Variants in EGLN3 observed in about 807,000 individuals in gnomAD.
EGLN3 encodes the protein prolyl hydroxylase EGLN3.
Under a neutral mutation model 26.0 loss-of-function variants are expected in EGLN3, and 15 were observed. The ratio of observed to expected loss-of-function variants is 0.58; its 90% CI spans 0.39 to 0.89. The LOEUF (loss-of-function observed/expected upper bound fraction) is 0.89. Ranked by LOEUF, EGLN3 falls within the 40% of genes least tolerant of loss-of-function variation. The pLI, the probability that EGLN3 is intolerant of heterozygous loss-of-function variation, is 0.00. For synonymous variants in EGLN3, 147 were observed against 127.2 expected, an observed-to-expected ratio of 1.16 and a Z score of -1.05; for missense variants, 238 against 311.6, an observed-to-expected ratio of 0.76 and a Z score of 1.78.
At chr14:33,932,091 G>A (rs929119334) in intron 1 of EGLN3, among the ~76,000 whole-genome samples, 3 of 152,112 alleles carry the variant, frequency 2.0e-5, no homozygotes, top group African/African-American at 7.2e-5. Flanking sequence ...ACAGGATACC[G>A]CCATGTTTGA....
chr14:33,934,843 C>A (rs1023585439), intron 1 of EGLN3, among the ~76,000 whole-genome samples: 1 of 152,182 alleles, frequency 6.6e-6, no homozygotes, highest in Non-Finnish European at 1.5e-5. Context: ...TTTAACTCAC[C>A]AAATTAAAGT....
chr14:33,945,732 G>A (rs898997353), intron 1 of EGLN3, among the ~76,000 whole-genome samples: 1 of 152,218 alleles, frequency 6.6e-6, no homozygotes, highest in Non-Finnish European at 1.5e-5. Flanking sequence ...AACCCTGACT[G>A]CATTTCTTGC....
rs2064366951 is a variant in EGLN3 at position 33,927,061 on chromosome 14, A to G, written c.615-28T>C. On this transcript the variant is annotated intron_variant, in intron 3 of 4. Coordinates refer to ENST00000250457, the MANE Select transcript of EGLN3 (RefSeq NM_022073.4). ...GTGAAAGATAAGCAGATATAAGGAA[A>G]GAGATTTAATGGTACTACTAGAAAC... is the stretch of plus-strand genomic sequence containing the variant. 1.9e-6 allele frequency: 3 copies of G among 1,540,292 alleles called. No individual in the cohort carries two copies. The East Asian group carries it at 7.1e-5, about 36-fold the overall frequency.
Position 33,926,979 on chromosome 14 carries a change from C to A in EGLN3, c.669G>T (p.Lys223Asn), listed in dbSNP as rs918450758. The change falls in exon 4 of 5, where the codon AAG becomes AAT. Residue 223 changes from lysine to asparagine, a missense_variant. Lys to Asn is a moderately conservative substitution (Grantham distance 94). Coordinates refer to ENST00000250457, the MANE Select transcript of EGLN3 (RefSeq NM_022073.4). ...FDAEERAEAKKKFRNLTRKTE... is the reference protein window; with the variant it reads ...FDAEERAEAKNKFRNLTRKTE... The stretch of plus-strand genomic sequence containing the variant: ...ACATACTAGTTAAATTCCTGAATTT[C>A]TTTTTGGCTTCTGCCCTTTCTTCAG... The A allele has an allele frequency of 7.5e-6, 12 of 1,606,970 alleles. No individual in the cohort carries two copies. The highest frequency in any genetic ancestry group is 1.0e-5 in the Non-Finnish European group (12 of 1,176,640).
In EGLN3 at chr14:33,944,153, G is replaced by T. The variant is rs540784099; in HGVS notation, c.357+6243C>A. On this transcript the variant is annotated intron_variant, in intron 1 of 4. Transcript: ENST00000250457. ...ATTATTTTTCTTGAGATGGAGTCTT[G>T]GTCTGTTGCCCAGGCTGGAGTGCAA... 1.3e-3 allele frequency among the ~76,000 whole-genome samples: 204 copies of T among 151,932 alleles called. 2 individuals are homozygous for T. Among genetic ancestry groups the T allele is most frequent in the African/African-American group, 4.7e-3 (196 of 41,456 alleles).
At position 33,926,256 on chromosome 14, in the gene EGLN3, C is replaced by G. The variant is rs533687732; in HGVS notation, c.689-334G>C. Among the ~76,000 whole-genome samples, 3 of 152,254 alleles carry G rather than the reference C, an allele frequency of 2.0e-5. No homozygotes were observed. In the East Asian group the frequency reaches 5.8e-4, roughly 29 times the overall value. On this transcript the variant is annotated intron_variant, in intron 4 of 4. Transcript: ENST00000250457. ...AAAACAAACTGAGATTTCCTGGGTG[C>G]AATTTGGAGACCACTTTGGTATTTG...
intron 1 of EGLN3, among the ~76,000 whole-genome samples, chr14:33,939,349 TAC>T (rs1566599877): frequency 6.6e-6 from 1 of 152,138 alleles, no homozygotes; most frequent in African/African-American, 2.4e-5. Context: ...TAGCTGGGAC[TAC>T]AGGCGCCCGC....
At chr14:33,940,064 G>A (rs755460671) in intron 1 of EGLN3, among the ~76,000 whole-genome samples, 3 of 152,098 alleles carry the variant, frequency 2.0e-5, no homozygotes, top group African/African-American at 4.8e-5. Flanking sequence ...TATTCAGTCT[G>A]TAAACTCAAA....
At chr14:33,946,442 A>C (rs1303441515) in intron 1 of EGLN3, among the ~76,000 whole-genome samples, 3 of 152,154 alleles carry the variant, frequency 2.0e-5, no homozygotes, top group Non-Finnish European at 4.4e-5. Context: ...TTTTCTTCAA[A>C]TGTACTCAAC....
chr14:33,930,495 C>T (rs989066454), intron 2 of EGLN3, among the ~76,000 whole-genome samples: 1 of 152,192 alleles, frequency 6.6e-6, no homozygotes, highest in African/African-American at 2.4e-5. Context: ...TTTCGGAAAG[C>T]ATACAGAGTC....
In EGLN3 at chr14:33,950,651, G is replaced by C; in HGVS notation, c.102C>G (p.Phe34Leu). Residue 34 changes from phenylalanine (F) to leucine (L), a missense_variant, in exon 1 of 5, where the codon TTC (phenylalanine) becomes TTG (leucine). By Grantham distance (22) the Phe-to-Leu change is conservative (BLOSUM62 0). Transcript: ENST00000250457. ...CGCAGTCGCCCACCACCTCGCCCAG[G>C]AAGTTGTCCAGGTAGCAGAAGCCCA... Reference protein sequence around the residue: ...HEVGFCYLDNFLGEVVGDCVL... With the variant: ...HEVGFCYLDNLLGEVVGDCVL... The C allele has an allele frequency of 6.2e-7, 1 of 1,614,042 alleles. No individual in the cohort carries two copies. The highest frequency in any genetic ancestry group is 8.5e-7 in the Non-Finnish European group (1 of 1,179,958).
Position 33,950,552 on chromosome 14 carries a change from G to A in EGLN3, c.201C>T (p.Gly67=), listed in dbSNP as rs374314241. The A allele has an allele frequency of 2.2e-5, 36 of 1,612,146 alleles. No individual in the cohort carries two copies. Among genetic ancestry groups the A allele is most frequent in the Non-Finnish European group, 3.0e-5 (35 of 1,179,112 alleles). Residue 67 remains glycine, a synonymous_variant, in exon 1 of 5, where the codon GGC becomes GGT. Coordinates refer to ENST00000250457, the MANE Select transcript of EGLN3 (RefSeq NM_022073.4). The part of the protein sequence containing the change: ...RDGQLAGPRA[G]VSKRHLRGDQ... ...CGCCCCGCAGGTGTCGCTTGGAGAC[G>A]CCGGCGCGCGGCCCCGCCAGCTGGC...
At chr14:33,939,234 G>T (rs1198204105) in intron 1 of EGLN3, among the ~76,000 whole-genome samples, 1 of 150,028 alleles carries the variant, frequency 6.7e-6, no homozygotes, top group South Asian at 2.1e-4. Flanking sequence ...TTTTTGAGAC[G>T]GAGTCTCGCT....
In EGLN3 at chr14:33,925,548, A is replaced by C; in HGVS notation, c.*343T>G. On this transcript the variant is annotated 3_prime_UTR_variant, in exon 5 of 5. Coordinates refer to ENST00000250457, the MANE Select transcript of EGLN3 (RefSeq NM_022073.4). ...CAAACCTCCTCCTTTCAAATCAGGAAGTATACATAAAGTGCAAGTAAGGTT... is the reference window on the plus strand; with the variant it reads ...CAAACCTCCTCCTTTCAAATCAGGACGTATACATAAAGTGCAAGTAAGGTT... 4.9e-6 allele frequency: 1 copy of C among 203,206 alleles called. No homozygotes were observed. The highest frequency in any genetic ancestry group is 9.9e-6 in the Non-Finnish European group (1 of 100,546). 12.6% of individuals were successfully genotyped at this position (203,206 alleles called of 1,614,324 possible).
chr14:33,925,981 A>G, intron 4 of EGLN3, 59 bp from the exon 5 acceptor site: 3 of 1,531,540 alleles, frequency 2.0e-6, no homozygotes, highest in Non-Finnish European at 2.7e-6. Flanking sequence ...GATGAGTTTT[A>G]TGTCACAAAT....
chr14:33,926,412 T>C (rs529768794), intron 4 of EGLN3, among the ~76,000 whole-genome samples: 86 of 152,340 alleles, frequency 5.6e-4, no homozygotes, highest in South Asian at 3.5e-3. Flanking sequence ...GCATACAGCA[T>C]GCAACATTTC....
chr14:33,939,834 A>G (rs968022726), intron 1 of EGLN3, among the ~76,000 whole-genome samples: 2 of 152,180 alleles, frequency 1.3e-5, no homozygotes, highest in Non-Finnish European at 2.9e-5. Flanking sequence ...GTCTGGCTGA[A>G]GAGTGTGAGG....
At chr14:33,926,341 C>T (rs2054631) in intron 4 of EGLN3, among the ~76,000 whole-genome samples, 2,694 of 152,260 alleles carry the variant, frequency 0.018, 90 homozygotes, top group African/African-American at 0.06. Flanking sequence ...TTCCTTACTG[C>T]AGGATCTCTT....
At chr14:33,927,951 G>A (rs1241889538) in intron 3 of EGLN3, among the ~76,000 whole-genome samples, 1 of 150,910 alleles carries the variant, frequency 6.6e-6, no homozygotes, top group South Asian at 2.1e-4. Context: ...TTCATGCTTG[G>A]TTTTTTTTTA....
Sources: allele counts gnomAD v4.1 joint callset (sites outside exome capture counted in the v4.1 genomes callset), GRCh38; gene constraint gnomAD v4.1.1; transcripts MANE v1.5; gene names NCBI Gene and HGNC (gene_info 2026-07-23, HGNC 2026-07-21).